Variants in POTEE observed in about 807,000 individuals in gnomAD.
POTEE encodes ANKRD26-like family C member 1A.
In POTEE, 21 loss-of-function variants were observed where a neutral mutation model predicts 74.2. The ratio of observed to expected loss-of-function variants is 0.28; its 90% CI spans 0.20 to 0.41. POTEE has a LOEUF of 0.41. POTEE is among the 10% of genes least tolerant of loss of function. The probability of loss-of-function intolerance (pLI) is 1.00; values close to 1 mark genes in which losing one functional copy is unlikely to be tolerated. For missense variants in POTEE, 525 were observed against 1,158.6 expected, an observed-to-expected ratio of 0.45 and a Z score of 7.94; for synonymous variants, 211 against 432.8, an observed-to-expected ratio of 0.49 and a Z score of 6.36.
At chr2:131,237,982 T>C (rs1412709215) in intron 10 of POTEE, among the ~76,000 whole-genome samples, 2 of 152,206 alleles carry the variant, frequency 1.3e-5, no homozygotes, top group Non-Finnish European at 2.9e-5. Context: ...AAGCCAGTAA[T>C]GTGGCAGTAG....
At chr2:131,233,466 G>A (rs937266360) in intron 9 of POTEE, among the ~76,000 whole-genome samples, 5 of 152,124 alleles carry the variant, frequency 3.3e-5, no homozygotes, top group Non-Finnish European at 7.3e-5. Flanking sequence ...GGAGACAAAG[G>A]AAGTTTTCGC....
At position 131,211,183 on chromosome 2, in the gene POTEE, G is replaced by C. The variant is rs1326002979; in HGVS notation, c.-189G>C. ...ACGGAGACTGCAGCTCGACAGGAGT[G>C]GTAGGAGGGTGCCCGCGGGGGCAAG... On this transcript the variant is annotated splice_region_variant and 5_prime_UTR_variant, in exon 2 of 18. It removes the in-frame stop codon of an upstream open reading frame in the 5' UTR. Coordinates refer to ENST00000683005, the MANE Select transcript of POTEE (RefSeq NM_001083538.3). Among the ~76,000 whole-genome samples, 1 of 151,680 alleles carries C rather than the reference G, an allele frequency of 6.6e-6. No homozygotes were observed. The highest frequency in any genetic ancestry group is 1.9e-4 in the East Asian group (1 of 5,158).
At chr2:131,263,219 T>TC in intron 17 of POTEE, 136 bp from the exon 18 acceptor site, 1 of 996,222 alleles carries the variant, frequency 1.0e-6, no homozygotes, top group South Asian at 1.8e-5. Flanking sequence ...TGAAGTTTTG[T>TC]CCAATTTTTT....
rs374620926 is a variant in POTEE at position 131,218,439 on chromosome 2, T to C, written c.37T>C (p.Ser13Pro). 5 of 1,613,266 alleles carry C rather than the reference T, an allele frequency of 3.1e-6. No individual in the cohort carries two copies. Among genetic ancestry groups the C allele is most frequent in the Non-Finnish European group, 4.2e-6 (5 of 1,179,816 alleles). ...VEVDSMPAAS[S>P]VKKPFGLRSK... ...GGTTGATTCCATGCCGGCTGCCTCT[T>C]CTGTGAAGAAGCCATTTGGTCTCAG... is the stretch of plus-strand genomic sequence containing the variant. Residue 13 changes from serine (S) to proline (P), a missense_variant, in exon 4 of 18, where the codon TCT (serine) becomes CCT (proline). Ser to Pro is a moderately conservative substitution (Grantham distance 74, BLOSUM62 -1). Coordinates refer to ENST00000683005, the MANE Select transcript of POTEE (RefSeq NM_001083538.3).
At chr2:131,215,231 A>T (rs1404008664) in intron 2 of POTEE, among the ~76,000 whole-genome samples, 1 of 151,190 alleles carries the variant, frequency 6.6e-6, no homozygotes, top group Non-Finnish European at 1.5e-5. Flanking sequence ...TAGATAATAG[A>T]TATGTTTTTG....
chr2:131,237,353 T>C (rs1435197664), intron 10 of POTEE, among the ~76,000 whole-genome samples: 3 of 152,060 alleles, frequency 2.0e-5, no homozygotes, highest in Admixed American at 1.3e-4. Context: ...GTTAAAAATA[T>C]ATTCTGCCTT....
intron 2 of POTEE, among the ~76,000 whole-genome samples, chr2:131,211,542 C>CCT (rs1700358433): frequency 8.8e-5 from 1 of 11,382 alleles, no homozygotes; most frequent in Non-Finnish European, 1.7e-4. Context: ...GTGTGTGTGG[C>CCT]TTTTTTTTTT....
intron 2 of POTEE, among the ~76,000 whole-genome samples, chr2:131,212,431 A>T (rs1700379560): frequency 6.6e-6 from 1 of 151,604 alleles, no homozygotes; most frequent in South Asian, 2.1e-4. Context: ...ACATAAAAAT[A>T]TTGGTGGCAA....
chr2:131,221,049 G>A lies in POTEE; in HGVS notation c.521+2126G>A, dbSNP rs148880673. Among the ~76,000 whole-genome samples the A allele has an allele frequency of 9.2e-3, 1,400 of 151,904 alleles. 19 individuals are homozygous for A. The highest frequency in any genetic ancestry group is 0.033 in the African/African-American group (1,347 of 41,442). On this transcript the variant is annotated intron_variant, in intron 4 of 17. Transcript: ENST00000683005. ...GATGAAGAACAGTGGTACTTACGTA[G>A]TCATTTAAAGTTTAAATTGCTACAG...
chr2:131,220,396 G>T (rs1032291744), intron 4 of POTEE, among the ~76,000 whole-genome samples: 1 of 151,670 alleles, frequency 6.6e-6, no homozygotes, highest in Non-Finnish European at 1.5e-5. Context: ...AGTAGAGATG[G>T]GGTTTCACCA....
intron 2 of POTEE, among the ~76,000 whole-genome samples, chr2:131,215,636 T>G (rs977735424): frequency 4.1e-5 from 6 of 145,162 alleles, no homozygotes; most frequent in South Asian, 4.6e-4. Context: ...TCAAAGTCAT[T>G]GACAAAGAAA....
chr2:131,262,882 T>G (rs1196429058), intron 17 of POTEE, among the ~76,000 whole-genome samples: 1 of 152,276 alleles, frequency 6.6e-6, no homozygotes, highest in Non-Finnish European at 1.5e-5. Context: ...TAAAGAACTT[T>G]GAGAAATTGC....
chr2:131,216,825 A>G (rs1700452361), intron 2 of POTEE, among the ~76,000 whole-genome samples: 1 of 151,672 alleles, frequency 6.6e-6, no homozygotes, highest in Admixed American at 6.5e-5. Flanking sequence ...TTATGATTCC[A>G]CTTACATGAA....
Position 131,263,926 on chromosome 2 carries a change from T to A in POTEE, c.2471T>A (p.Phe824Tyr). Residue 824 changes from phenylalanine (F) to tyrosine (Y), a missense_variant, in exon 18 of 18, where the codon TTT (phenylalanine) becomes TAT (tyrosine). Phe to Tyr is a conservative substitution (Grantham distance 22). Transcript: ENST00000683005. ...ANREKMTQIM[F>Y]ETFNTPAMYV... The stretch of plus-strand genomic sequence containing the variant: ...CGCGAGAAGATGACCCAGATCATGT[T>A]TGAGACCTTCAACACCCCAGCCATG... 1 of 1,614,180 alleles carries A rather than the reference T, an allele frequency of 6.2e-7. No individual in the cohort carries two copies. Among genetic ancestry groups the A allele is most frequent in the Non-Finnish European group, 8.5e-7 (1 of 1,180,018 alleles).
At chr2:131,231,592 T>C (rs1700961113) in intron 9 of POTEE, among the ~76,000 whole-genome samples, 1 of 152,100 alleles carries the variant, frequency 6.6e-6, no homozygotes, top group Non-Finnish European at 1.5e-5. Context: ...ACTTCATTCC[T>C]CCTCATTTGA....
chr2:131,216,215 A>T (rs1172394269), intron 2 of POTEE, among the ~76,000 whole-genome samples: 2 of 151,660 alleles, frequency 1.3e-5, no homozygotes, highest in Non-Finnish European at 2.9e-5. Context: ...AAAAAGTCCT[A>T]TATTTGTCAA....
chr2:131,216,213 C>A lies in POTEE; in HGVS notation c.-188-1376C>A, dbSNP rs576906360. ...TTGAAAGTGACAAATAGAAAAAGTC[C>A]TATATTTGTCAACTGAAAAAATTAA... On this transcript the variant is annotated intron_variant, in intron 2 of 17. Coordinates refer to ENST00000683005, the MANE Select transcript of POTEE (RefSeq NM_001083538.3). 2.0e-4 allele frequency among the ~76,000 whole-genome samples: 31 copies of A among 151,558 alleles called. 1 individual carries two copies. The highest frequency in any genetic ancestry group is 7.3e-4 in the African/African-American group (30 of 40,950).
intron 2 of POTEE, among the ~76,000 whole-genome samples, chr2:131,212,561 G>C (rs1471358758): frequency 3.1e-5 from 1 of 32,414 alleles, no homozygotes; most frequent in African/African-American, 1.2e-4. Context: ...CATTTCCTTT[G>C]TTTTCTTTCT....
chr2:131,253,285 GA>G (rs1254386747), intron 16 of POTEE, among the ~76,000 whole-genome samples, 186 bp downstream of exon 16: 4 of 150,878 alleles, frequency 2.7e-5, no homozygotes, highest in African/African-American at 9.8e-5. Flanking sequence ...TAATTTATTT[GA>G]AAAATAACCA....
Sources: gnomAD v4.1 joint callset for allele counts (sites outside exome capture counted in the v4.1 genomes callset) on GRCh38, gnomAD v4.1.1 for gene constraint, MANE v1.5 for transcripts, NCBI Gene and HGNC (gene_info 2026-07-23, HGNC 2026-07-21) for gene names.